Variants in MDFI observed in about 807,000 individuals in gnomAD.
MDFI encodes the protein inhibitor of MyoD family a.
In MDFI, 16 loss-of-function variants were observed where a neutral mutation model predicts 22.3. That is an observed-to-expected ratio of 0.72 (90% CI 0.49 to 1.09). The LOEUF is 1.09. MDFI is among the 50% of genes least tolerant of loss of function. MDFI has a pLI of 0.00. For synonymous variants in MDFI, 145 were observed against 142.7 expected (o/e 1.02, Z -0.12); for missense variants, 314 against 326.1 (o/e 0.96, Z 0.29).
chr6:41,651,101 G>A lies in MDFI; in HGVS notation c.484+1258G>A, dbSNP rs941206647. On this transcript the variant is annotated intron_variant, in intron 4 of 4. Transcript: ENST00000230321. ...GGGCGCCTGTAATCCCAGCTACTCC[G>A]GAGGCGGAGGTTGCAGTGAGCCAAG... Among the ~76,000 whole-genome samples the A allele has an allele frequency of 3.9e-5, 5 of 128,128 alleles. 1 individual carries two copies. The highest frequency in any genetic ancestry group is 6.8e-5 in the Non-Finnish European group (4 of 58,704). 84.1% of individuals were successfully genotyped at this position (128,128 alleles called of 152,430 possible).
At chr6:41,648,563 G>A (rs932718149) in intron 3 of MDFI, among the ~76,000 whole-genome samples, 1 of 152,218 alleles carries the variant, frequency 6.6e-6, no homozygotes, top group East Asian at 1.9e-4. Flanking sequence ...CACAGACCAG[G>A]CCTGGAGGGA....
intron 3 of MDFI, among the ~76,000 whole-genome samples, chr6:41,646,562 C>T (rs1768059464): frequency 6.6e-6 from 1 of 152,168 alleles, no homozygotes; most frequent in Non-Finnish European, 1.5e-5. Flanking sequence ...GAGCATGCGG[C>T]TACCTGGAGA....
intron 3 of MDFI, among the ~76,000 whole-genome samples, chr6:41,647,541 C>T (rs2127432767): frequency 6.6e-6 from 1 of 152,304 alleles, no homozygotes. Context: ...GCATCAGCCA[C>T]ACCTCTTGCT....
intron 2 of MDFI, chr6:41,640,030 C>T (rs1767792189): frequency 1.3e-6 from 1 of 768,406 alleles, no homozygotes; most frequent in Admixed American, 6.2e-5. Context: ...TGTCTACAGC[C>T]CATCTTGGCC....
intron 2 of MDFI, among the ~76,000 whole-genome samples, chr6:41,642,054 T>C (rs1009747829): frequency 3.9e-5 from 6 of 152,138 alleles, no homozygotes; most frequent in Admixed American, 1.3e-4. Flanking sequence ...TGAGAGTGTA[T>C]TGAAGCAAAG....
chr6:41,649,585 C>T, intron 3 of MDFI, 34 bp from the exon 4 acceptor site: 1 of 1,527,480 alleles, frequency 6.5e-7, no homozygotes, highest in Non-Finnish European at 8.8e-7. Context: ...GACCCCCACC[C>T]TTTTCCCATC....
chr6:41,651,811 C>T (rs530079585), intron 4 of MDFI, among the ~76,000 whole-genome samples: 113 of 152,314 alleles, frequency 7.4e-4, no homozygotes, highest in African/African-American at 2.6e-3. Context: ...GGCTGCAGGA[C>T]GTGGGTTCTA....
intron 3 of MDFI, among the ~76,000 whole-genome samples, chr6:41,647,818 G>A (rs1581838436): frequency 1.3e-5 from 2 of 152,132 alleles, no homozygotes; most frequent in South Asian, 2.1e-4. Context: ...TGAGGCGGGC[G>A]GATCACGAGG....
chr6:41,639,909 C>G (rs1249174658), intron 2 of MDFI: 1 of 985,350 alleles, frequency 1.0e-6, no homozygotes, highest in African/African-American at 1.7e-5. Context: ...CTCTCCACTC[C>G]CCACCTACTT....
At chr6:41,652,001 T>C (rs1768287278) in intron 4 of MDFI, among the ~76,000 whole-genome samples, 2 of 152,120 alleles carry the variant, frequency 1.3e-5, no homozygotes, top group Non-Finnish European at 2.9e-5. Context: ...AGCTTACATA[T>C]CCGGTAGAAG....
chr6:41,646,836 G>C (rs1768071193), intron 3 of MDFI, among the ~76,000 whole-genome samples: 1 of 152,208 alleles, frequency 6.6e-6, no homozygotes, highest in Non-Finnish European at 1.5e-5. Context: ...AACTAACGAA[G>C]ATTTGCCCAC....
upstream of MDFI, chr6:41,637,034 CA>C (rs1767668335): frequency 6.6e-6 from 1 of 152,298 alleles, no homozygotes; most frequent in Non-Finnish European, 1.5e-5. The surrounding 1 kb of genome is among the most constrained non-coding windows in gnomAD (Gnocchi z 6.8). Flanking sequence ...CTCAGCTCTC[CA>C]GAGCTCCCGG....
chr6:41,645,208 G>A (rs1473293384), intron 2 of MDFI, among the ~76,000 whole-genome samples: 2 of 151,866 alleles, frequency 1.3e-5, no homozygotes, highest in Admixed American at 1.3e-4. Flanking sequence ...GCCTGGGCCC[G>A]CCCCTGACCC....
At position 41,647,691 on chromosome 6, in the gene MDFI, C is replaced by G. The variant is rs951382484; in HGVS notation, c.259+1383C>G. Among the ~76,000 whole-genome samples, 12 of 150,676 alleles carry G rather than the reference C, an allele frequency of 8.0e-5. No individual in the cohort carries two copies. In the East Asian group the frequency reaches 9.8e-4, roughly 12 times the overall value. On this transcript the variant is annotated intron_variant, in intron 3 of 4. Coordinates refer to ENST00000230321, the MANE Select transcript of MDFI (RefSeq NM_005586.4). The stretch of plus-strand genomic sequence containing the variant: ...AGCTAGAGGACCTTTGGCAAGTTTT[C>G]CCCTCTCTGGGCCTCTGTTTTCTCA...
Position 41,652,732 on chromosome 6 carries a change from T to C in MDFI, c.485-587T>C, listed in dbSNP as rs971416093. Among the ~76,000 whole-genome samples, 3 of 149,766 alleles carry C rather than the reference T, an allele frequency of 2.0e-5. No individual in the cohort carries two copies. The East Asian group carries it at 6.1e-4, about 31-fold the overall frequency. The stretch of plus-strand genomic sequence containing the variant: ...CCTGGGTTCAAGCGATTCTCCTGCC[T>C]CAGCCTCCCAAGTAGCTGGGATTAT... On this transcript the variant is annotated intron_variant, in intron 4 of 4. Transcript: ENST00000230321.
At chr6:41,637,608 G>T (rs893081742), upstream of MDFI, among the ~76,000 whole-genome samples, 12 of 152,030 alleles carry the variant, frequency 7.9e-5, no homozygotes, top group Non-Finnish European at 1.8e-4. This position sits in a 1 kb window ranked among gnomAD's most constrained non-coding sequence, Gnocchi z 6.8. Flanking sequence ...CCGGGGTCGC[G>T]CTGAGGGCCC....
rs369307782 is a variant in MDFI, at chr6:41,653,578, C to A, written c.*3C>A. ...GTGGGCTCTGCTTCTCCTCCTGAGC[C>A]TCTGTCGGGGGCTAAGCCAGCCTGG... On this transcript the variant is annotated 3_prime_UTR_variant, in exon 5 of 5. Transcript: ENST00000230321. The surrounding 1 kb of genome is among the most constrained non-coding windows in gnomAD (Gnocchi z 4.2). The A allele has an allele frequency of 4.3e-5, 69 of 1,599,666 alleles. No homozygotes were observed. The African/African-American group carries it at 9.1e-4, about 21-fold the overall frequency.
At chr6:41,642,652 G>A (rs1767893443) in intron 2 of MDFI, among the ~76,000 whole-genome samples, 1 of 152,106 alleles carries the variant, frequency 6.6e-6, no homozygotes, top group Admixed American at 6.5e-5. Flanking sequence ...GTGCTGGTTT[G>A]CTGGGTCCCC....
chr6:41,645,818 G>A (rs1262600161), intron 2 of MDFI, among the ~76,000 whole-genome samples: 6 of 81,776 alleles, frequency 7.3e-5, no homozygotes, highest in East Asian at 4.3e-4. Context: ...CTGTTCTCCC[G>A]TGTTGTGTTT....
Sources: allele counts gnomAD v4.1 joint callset (sites outside exome capture counted in the v4.1 genomes callset), GRCh38; gene constraint gnomAD v4.1.1; non-coding constraint Gnocchi (gnomAD v3.1); transcripts MANE v1.5; gene names NCBI Gene and HGNC (gene_info 2026-07-23, HGNC 2026-07-21).